CPAMD8: variants seen among roughly 807,000 people sequenced by gnomAD.
The protein encoded by CPAMD8 is C3 and PZP like alpha-2-macroglobulin domain containing 8.
In CPAMD8, 146 loss-of-function variants were observed where a neutral mutation model predicts 224.7. The observed-to-expected ratio is 0.65, with a 90% CI of 0.57 to 0.75. The LOEUF is 0.75. Among genes scored for constraint, CPAMD8 ranks in the 30% least tolerant of loss-of-function variants. CPAMD8 has a pLI of 0.00. For synonymous variants in CPAMD8, 966 were observed against 1,044.6 expected (o/e 0.92, Z 1.45); for missense variants, 2,301 against 2,537.5 (o/e 0.91, Z 2.00).
In CPAMD8 at chr19:16,968,931, C is replaced by T. The variant is rs116445035; in HGVS notation, c.2213+1960G>A. ...GGGGTTACAGGCATGAGCCACTGTGCCCAGCCAAGTGTTTATATTTAAGAT... is the reference window on the plus strand; with the variant it reads ...GGGGTTACAGGCATGAGCCACTGTGTCCAGCCAAGTGTTTATATTTAAGAT... On this transcript the variant is annotated intron_variant, in intron 18 of 41. Coordinates refer to ENST00000443236, the MANE Select transcript of CPAMD8 (RefSeq NM_015692.5). Among the ~76,000 whole-genome samples, 1,282 of 152,202 alleles carry T rather than the reference C, an allele frequency of 8.4e-3. 16 individuals are homozygous for T. The highest frequency in any genetic ancestry group is 0.029 in the African/African-American group (1,219 of 41,514).
At chr19:16,926,534 T>C (rs1030266551) in intron 25 of CPAMD8, among the ~76,000 whole-genome samples, 17 of 152,132 alleles carry the variant, frequency 1.1e-4, no homozygotes, top group Non-Finnish European at 2.5e-4. Context: ...GCCAGGATGA[T>C]CTCCATCTCT....
intron 19 of CPAMD8, among the ~76,000 whole-genome samples, chr19:16,956,487 A>G (rs1277828342): frequency 6.6e-6 from 1 of 151,998 alleles, no homozygotes; most frequent in Non-Finnish European, 1.5e-5. Context: ...TGAAAATGTT[A>G]TGAGTGCTGG....
At chr19:16,945,738 C>T (rs1463547027) in intron 21 of CPAMD8, 59 bp from the exon 22 acceptor site, 59 of 1,508,732 alleles carry the variant, frequency 3.9e-5, no homozygotes, top group Admixed American at 1.7e-5. Context: ...GGGGGCTGTC[C>T]CATCCCTATC....
intron 26 of CPAMD8, among the ~76,000 whole-genome samples, chr19:16,923,341 G>A (rs1057294341): frequency 6.6e-6 from 1 of 152,196 alleles, no homozygotes; most frequent in South Asian, 2.1e-4. Flanking sequence ...CAGTGGCGGC[G>A]ACAGAGGTGG....
intron 10 of CPAMD8, among the ~76,000 whole-genome samples, chr19:16,999,021 C>A (rs1019478494): frequency 2.6e-5 from 4 of 152,190 alleles, no homozygotes; most frequent in African/African-American, 9.7e-5. Flanking sequence ...AAGCATTGAT[C>A]ATGCTACGAT....
intron 22 of CPAMD8, among the ~76,000 whole-genome samples, chr19:16,945,124 G>T (rs902811922): frequency 6.6e-6 from 1 of 152,154 alleles, no homozygotes; most frequent in Non-Finnish European, 1.5e-5. Flanking sequence ...ATAGCTGGGG[G>T]TCTGCAAGAT....
chr19:17,013,276 A>C (rs1449231656), intron 3 of CPAMD8: 1 of 151,934 alleles, frequency 6.6e-6, no homozygotes, highest in Non-Finnish European at 1.5e-5. Context: ...CGGGAGGCCG[A>C]GGTGGGCAGA....
intron 20 of CPAMD8, 93 bp downstream of exon 20, chr19:16,951,876 G>T: frequency 2.5e-6 from 2 of 799,236 alleles, no homozygotes; most frequent in South Asian, 1.6e-5. Flanking sequence ...CCCCCAAGCT[G>T]ACACTGTCCC....
At position 16,993,369 on chromosome 19, in the gene CPAMD8, G is replaced by C. The variant is rs772857887; in HGVS notation, c.1266+47C>G. The stretch of plus-strand genomic sequence containing the variant: ...GCACCCAGCCTGGGGGAGGCCCCAA[G>C]TCCATACCTGCTGGCTGAATAACAA... On this transcript the variant is annotated intron_variant, in intron 12 of 41. Transcript: ENST00000443236. 5 of 1,561,984 alleles carry C rather than the reference G, an allele frequency of 3.2e-6. No individual in the cohort carries two copies. The African/African-American group carries it at 6.8e-5, about 21-fold the overall frequency.
intron 29 of CPAMD8, among the ~76,000 whole-genome samples, chr19:16,913,288 C>A (rs926004115): frequency 6.6e-6 from 1 of 152,128 alleles, no homozygotes; most frequent in Non-Finnish European, 1.5e-5. Context: ...TGTTGAAGCT[C>A]TAACTCCTAA....
chr19:16,904,329 G>GT lies in CPAMD8; in HGVS notation c.4147_4148insA (p.Ala1383AspfsTer10). ...ACCCAGCAGAGTGTAGGTCAGAAGG[G>GT]CGTAGGCTGTCATTTCCACCTCGGC... On this transcript the variant is annotated frameshift_variant, in exon 32 of 42. Transcript: ENST00000443236. LOFTEE classifies it high-confidence loss of function. 6.2e-7 allele frequency: 1 copy of GT among 1,613,932 alleles called. No homozygotes were observed. Among genetic ancestry groups the GT allele is most frequent in the Admixed American group, 1.7e-5 (1 of 60,022 alleles).
rs202182979 is a variant in CPAMD8 at position 16,969,889 on chromosome 19, AC to A, written c.2213+1001del. Among the ~76,000 whole-genome samples, 19 of 149,346 alleles carry A rather than the reference AC, an allele frequency of 1.3e-4. 2 individuals carry two copies. Among genetic ancestry groups the A allele is most frequent in the African/African-American group, 3.5e-4 (14 of 40,398 alleles). The stretch of plus-strand genomic sequence containing the variant: ...GCTCCATCTCAAAAAAAAAAAAAAA[AC>A]AAAAACAACGAAAAACTTACTAATA... On this transcript the variant is annotated intron_variant, in intron 18 of 41. Coordinates refer to ENST00000443236, the MANE Select transcript of CPAMD8 (RefSeq NM_015692.5).
rs75566297 is a variant in CPAMD8, at chr19:16,957,361, G to A, written c.2276+492C>T. ...CTAGTGTCATTGGTGCTCTAACGCT[G>A]AGCATTGCAAGAAAAAAAGTCAATT... On this transcript the variant is annotated intron_variant, in intron 19 of 41. Coordinates refer to ENST00000443236, the MANE Select transcript of CPAMD8 (RefSeq NM_015692.5). 1.5e-3 allele frequency among the ~76,000 whole-genome samples: 222 copies of A among 152,324 alleles called. 3 individuals carry two copies. The East Asian group carries it at 0.039, about 27-fold the overall frequency.
At chr19:16,988,460 A>G (rs1203657778) in intron 13 of CPAMD8, among the ~76,000 whole-genome samples, 1 of 152,078 alleles carries the variant, frequency 6.6e-6, no homozygotes, top group African/African-American at 2.4e-5. Context: ...GAATACAAAG[A>G]TTAGCCAGGC....
intron 23 of CPAMD8, among the ~76,000 whole-genome samples, chr19:16,930,925 C>A (rs1250962864): frequency 6.6e-6 from 1 of 152,180 alleles, no homozygotes; most frequent in Non-Finnish European, 1.5e-5. Context: ...CTGGCTGCTG[C>A]CACCAGGAAT....
At chr19:16,900,081 C>T (rs1480703089) in intron 36 of CPAMD8, among the ~76,000 whole-genome samples, 1 of 152,074 alleles carries the variant, frequency 6.6e-6, no homozygotes, top group Non-Finnish European at 1.5e-5. Context: ...CTGAAACCCT[C>T]GCTTCTTGGT....
chr19:17,019,584 C>A (rs2056899415), intron 3 of CPAMD8, among the ~76,000 whole-genome samples: 2 of 148,746 alleles, frequency 1.3e-5, no homozygotes, highest in African/African-American at 5.0e-5. Context: ...TAAATAGGGC[C>A]TCACTCTGTT....
chr19:16,992,293 C>G (rs1232348723), intron 12 of CPAMD8, among the ~76,000 whole-genome samples: 1 of 152,024 alleles, frequency 6.6e-6, no homozygotes, highest in Non-Finnish European at 1.5e-5. Context: ...CACTGGGTAT[C>G]GAAAATCAGA....
At chr19:16,894,748 GAACA>G in intron 41 of CPAMD8, 1 of 278,916 alleles carries the variant, frequency 3.6e-6, no homozygotes, top group Non-Finnish European at 7.4e-6. Flanking sequence ...CAATACAAAA[GAACA>G]AACTCCAGGC....
Sources: gnomAD v4.1 joint callset for allele counts (sites outside exome capture counted in the v4.1 genomes callset) on GRCh38, gnomAD v4.1.1 for gene constraint, MANE v1.5 for transcripts, NCBI Gene and HGNC (gene_info 2026-07-23, HGNC 2026-07-21) for gene names.